Variants in ROPN1L observed in about 807,000 individuals in gnomAD.
The protein encoded by ROPN1L is rhophilin associated tail protein 1 like.
In ROPN1L, 23 loss-of-function variants were observed where a neutral mutation model predicts 22.7. That is an observed-to-expected ratio of 1.01 (90% confidence interval 0.73 to 1.43). The LOEUF (loss-of-function observed/expected upper bound fraction) is 1.43. Ranked by LOEUF, ROPN1L falls within the 40% of genes most tolerant of loss-of-function variation. The probability of loss-of-function intolerance (pLI) is 0.00; values close to 1 mark genes in which losing one functional copy is unlikely to be tolerated. For synonymous variants in ROPN1L, 116 were observed against 117.8 expected (o/e 0.98, Z 0.10); for missense variants, 271 against 291.5 (o/e 0.93, Z 0.51).
intron 3 of ROPN1L, among the ~76,000 whole-genome samples, chr5:10,453,270 G>C (rs1741310258): frequency 6.6e-6 from 1 of 152,122 alleles, no homozygotes; most frequent in African/African-American, 2.4e-5. Context: ...TGCCTGCTCT[G>C]CCCTGGCTCC....
At chr5:10,469,106 G>T (rs1020251064), downstream of ROPN1L, among the ~76,000 whole-genome samples, 1 of 152,146 alleles carries the variant, frequency 6.6e-6, no homozygotes, top group African/African-American at 2.4e-5. Context: ...AATGAGCCGA[G>T]ATCGTGCCAC....
chr5:10,472,822 A>G (rs753690822), downstream of ROPN1L, among the ~76,000 whole-genome samples: 98 of 152,314 alleles, frequency 6.4e-4, 1 homozygote, highest in Non-Finnish European at 1.1e-3. Flanking sequence ...CCTCATAGCC[A>G]TTATAGATAG....
chr5:10,456,149 A>C (rs1435695994), intron 3 of ROPN1L, among the ~76,000 whole-genome samples: 1 of 152,148 alleles, frequency 6.6e-6, no homozygotes, highest in African/African-American at 2.4e-5. Flanking sequence ...ACTCATCTCC[A>C]CTTGAATTTC....
chr5:10,473,964 T>C (rs990905193), downstream of ROPN1L, among the ~76,000 whole-genome samples: 1 of 151,900 alleles, frequency 6.6e-6, no homozygotes, highest in Non-Finnish European at 1.5e-5. Context: ...CCACCCTGGG[T>C]TACATGGCAA....
chr5:10,445,487 A>G (rs952176976), intron 1 of ROPN1L, among the ~76,000 whole-genome samples: 1 of 152,176 alleles, frequency 6.6e-6, no homozygotes, highest in Admixed American at 6.5e-5. Flanking sequence ...GAGATTTTGT[A>G]GGCAGAGAGA....
At chr5:10,481,719 C>T in the ROPN1L span, among the ~76,000 whole-genome samples, 5 of 152,192 alleles carry the variant, frequency 3.3e-5, no homozygotes, top group South Asian at 2.1e-4. Context: ...GATGCTGCCG[C>T]GCAGTGAATT....
chr5:10,479,930 G>C, the ROPN1L span, among the ~76,000 whole-genome samples: 1 of 152,142 alleles, frequency 6.6e-6, no homozygotes, highest in Non-Finnish European at 1.5e-5. Flanking sequence ...TTTTAGCAGA[G>C]ACGGGGTTTC....
intron 1 of ROPN1L, among the ~76,000 whole-genome samples, chr5:10,444,260 G>A (rs890472722): frequency 6.6e-6 from 1 of 152,122 alleles, no homozygotes; most frequent in Non-Finnish European, 1.5e-5. Flanking sequence ...TAATACCTTA[G>A]AGATAGTTAT....
Position 10,461,366 on chromosome 5 carries a change from A to G in ROPN1L, c.593+7A>G, listed in dbSNP as rs374845122. Reference sequence around the variant, plus strand: ...CCTCTCTAAAGGAAAATATGTAAGTATGCACCCTCTCTAGGATTCAGGTAT... The same window carrying G: ...CCTCTCTAAAGGAAAATATGTAAGTGTGCACCCTCTCTAGGATTCAGGTAT... On this transcript the variant is annotated splice_region_variant and intron_variant, in intron 4 of 4. Coordinates refer to ENST00000274134, the MANE Select transcript of ROPN1L (RefSeq NM_031916.5). 2 of 1,611,056 alleles carry G rather than the reference A, an allele frequency of 1.2e-6. No homozygotes were observed. The highest frequency in any genetic ancestry group is 2.7e-5 in the African/African-American group (2 of 74,860).
intron 1 of ROPN1L, among the ~76,000 whole-genome samples, chr5:10,443,221 G>T (rs377435920): frequency 4.6e-5 from 7 of 151,256 alleles, no homozygotes; most frequent in Non-Finnish European, 2.9e-5. Context: ...AATTTAAAAA[G>T]AAAAAAAACA....
rs114920317 is a variant in ROPN1L at position 10,445,237 on chromosome 5, G to C, written c.131+2939G>C. ...TCTGCCCTCCTGGCCTCCCAAAGTG[G>C]TGGGATTATAGGCTTGAGCCACCGC... On this transcript the variant is annotated intron_variant, in intron 1 of 4. Transcript: ENST00000274134. Among the ~76,000 whole-genome samples, 1,111 of 152,288 alleles carry C rather than the reference G, an allele frequency of 7.3e-3. 15 individuals are homozygous for C. Among genetic ancestry groups the C allele is most frequent in the African/African-American group, 0.025 (1,046 of 41,556 alleles).
At chr5:10,471,625 G>A (rs1456063258) in intron 4 of ROPN1L, among the ~76,000 whole-genome samples, 1 of 152,174 alleles carries the variant, frequency 6.6e-6, no homozygotes, top group East Asian at 1.9e-4. Context: ...TTTATGTCCC[G>A]CAGCCTGAAA....
At chr5:10,448,917 C>T (rs182990758) in intron 2 of ROPN1L, among the ~76,000 whole-genome samples, 16 of 152,336 alleles carry the variant, frequency 1.1e-4, no homozygotes, top group Non-Finnish European at 7.3e-5. Context: ...TTTTTACAGA[C>T]GTGAGTTACT....
chr5:10,446,716 G>T (rs1561167871), intron 1 of ROPN1L, among the ~76,000 whole-genome samples: 1 of 151,950 alleles, frequency 6.6e-6, no homozygotes, highest in Non-Finnish European at 1.5e-5. Flanking sequence ...GGGGAGGAGG[G>T]TGGCGGGTGG....
chr5:10,466,505 T>C (rs1735156855), downstream of ROPN1L, among the ~76,000 whole-genome samples: 1 of 152,162 alleles, frequency 6.6e-6, no homozygotes, highest in South Asian at 2.1e-4. Context: ...CATAGGTGAA[T>C]ATCACCGTAA....
Position 10,464,988 on chromosome 5 carries a change from T to A in ROPN1L, c.*41T>A. ...ATTTTAATGTCAAAATAGTGCTCTT[T>A]AAAATTCTGGCACCAAATACAACTT... On this transcript the variant is annotated 3_prime_UTR_variant, in exon 5 of 5. Coordinates refer to ENST00000274134, the MANE Select transcript of ROPN1L (RefSeq NM_031916.5). The A allele has an allele frequency of 1.6e-6, 2 of 1,239,942 alleles. No individual in the cohort carries two copies. Among genetic ancestry groups the A allele is most frequent in the Non-Finnish European group, 2.3e-6 (2 of 870,740 alleles). 76.8% of individuals were successfully genotyped at this position (1,239,942 alleles called of 1,614,324 possible).
chr5:10,469,399 A>C (rs1440022418), downstream of ROPN1L, among the ~76,000 whole-genome samples: 1 of 151,440 alleles, frequency 6.6e-6, no homozygotes, highest in African/African-American at 2.4e-5. Flanking sequence ...AGGTGGGAGG[A>C]TAGCTTGAGC....
At chr5:10,459,313 G>A (rs1315044707) in intron 3 of ROPN1L, among the ~76,000 whole-genome samples, 1 of 151,898 alleles carries the variant, frequency 6.6e-6, no homozygotes, top group Non-Finnish European at 1.5e-5. Flanking sequence ...TCCTCACCGG[G>A]TTCCCGCCTT....
the ROPN1L span, among the ~76,000 whole-genome samples, chr5:10,479,692 T>G: frequency 6.6e-6 from 1 of 152,116 alleles, no homozygotes; most frequent in African/African-American, 2.4e-5. Flanking sequence ...CTGTCCCTAC[T>G]GTCTCCTCTC....
Sources: gnomAD v4.1 joint callset for allele counts (sites outside exome capture counted in the v4.1 genomes callset) on GRCh38, gnomAD v4.1.1 for gene constraint, MANE v1.5 for transcripts, NCBI Gene and HGNC (gene_info 2026-07-23, HGNC 2026-07-21) for gene names.